The following TG variants were observed in gnomAD, a reference collection of about 807,000 sequenced individuals.
TG encodes the protein thyroglobulin, also known as thyroid hormones.
TG carries 270 observed loss-of-function variants against 324.7 expected under a neutral mutation model. The ratio of observed to expected loss-of-function variants is 0.83; its 90% confidence interval spans 0.75 to 0.92. The LOEUF is 0.92. Ranked by LOEUF, TG falls within the 40% of genes least tolerant of loss-of-function variation. The pLI, the probability that TG is intolerant of heterozygous loss-of-function variation, is 0.00. For missense variants in TG, 3,591 were observed against 3,456.4 expected, an observed-to-expected ratio of 1.04 and a Z score of -0.98; for synonymous variants, 1,401 against 1,327.0, an observed-to-expected ratio of 1.06 and a Z score of -1.21.
At chr8:132,919,336 G>A in intron 20 of TG, 40 bp from the exon 21 acceptor site, 1 of 1,603,358 alleles carries the variant, frequency 6.2e-7, no homozygotes, top group East Asian at 2.2e-5. Context: ...TGTGAAGCAT[G>A]TGTCTTGATT....
At chr8:133,073,788 C>G (rs571076946) in intron 41 of TG, among the ~76,000 whole-genome samples, 3 of 152,152 alleles carry the variant, frequency 2.0e-5, no homozygotes, top group South Asian at 4.1e-4. Flanking sequence ...TCCCCCAACC[C>G]TTTAGAGCCC....
At chr8:132,945,456 G>A (rs996748986) in intron 26 of TG, among the ~76,000 whole-genome samples, 8 of 152,138 alleles carry the variant, frequency 5.3e-5, no homozygotes, top group East Asian at 3.9e-4. Context: ...TAGGAAGGCC[G>A]TGGGTCCATG....
chr8:133,013,020 A>C (rs1834657968), intron 36 of TG, among the ~76,000 whole-genome samples: 1 of 152,256 alleles, frequency 6.6e-6, no homozygotes, highest in Non-Finnish European at 1.5e-5. Flanking sequence ...AGGGCTGAAG[A>C]TAAAGGCCGG....
At chr8:133,074,680 C>G (rs574787013) in intron 41 of TG, among the ~76,000 whole-genome samples, 1 of 152,334 alleles carries the variant, frequency 6.6e-6, no homozygotes, top group African/African-American at 2.4e-5. Context: ...ACCCACTGAG[C>G]CACTGCAGTG....
chr8:132,955,705 G>A (rs905453158), intron 27 of TG, among the ~76,000 whole-genome samples: 1 of 152,208 alleles, frequency 6.6e-6, no homozygotes, highest in Admixed American at 6.5e-5. Flanking sequence ...CCTGGAGGGC[G>A]GGGCTCCTGG....
intron 41 of TG, among the ~76,000 whole-genome samples, chr8:133,031,339 G>C (rs1836623353): frequency 6.6e-6 from 1 of 152,080 alleles, no homozygotes; most frequent in Admixed American, 6.5e-5. Context: ...TTGCGCAGAG[G>C]GACCACATTT....
intron 40 of TG, among the ~76,000 whole-genome samples, chr8:133,029,149 C>T (rs551656840): frequency 4.0e-5 from 6 of 151,798 alleles, no homozygotes; most frequent in South Asian, 4.2e-4. Context: ...CACAAGACAA[C>T]GAGAAGTGTA....
chr8:132,957,872 T>C (rs1272547106), intron 27 of TG, among the ~76,000 whole-genome samples: 3 of 152,152 alleles, frequency 2.0e-5, no homozygotes, highest in Non-Finnish European at 4.4e-5. Context: ...TTTGTGAGAT[T>C]TTGGTGCACC....
chr8:133,041,224 C>A (rs976537394), intron 41 of TG, among the ~76,000 whole-genome samples: 9 of 152,212 alleles, frequency 5.9e-5, no homozygotes, highest in Admixed American at 4.6e-4. Context: ...GCCAATCCAC[C>A]ACCAGGTTTT....
At chr8:133,049,966 T>G (rs1365306054) in intron 41 of TG, 2 of 1,613,400 alleles carry the variant, frequency 1.2e-6, no homozygotes, top group East Asian at 2.2e-5. Context: ...CTAAGAGAAA[T>G]AGCTTTCCAC....
intron 34 of TG, among the ~76,000 whole-genome samples, chr8:132,976,573 G>A (rs1389314955): frequency 7.9e-5 from 12 of 152,216 alleles, no homozygotes; most frequent in African/African-American, 2.7e-4. Context: ...CCCCAAGCAG[G>A]TGGTCTTTCA....
chr8:133,016,231 A>C (rs1835013077), intron 37 of TG, among the ~76,000 whole-genome samples: 2 of 152,318 alleles, frequency 1.3e-5, no homozygotes, highest in East Asian at 3.9e-4. Flanking sequence ...TCAAGGACAG[A>C]CATGATACCC....
At chr8:133,091,694 TTG>T (rs1293806539) in intron 41 of TG, among the ~76,000 whole-genome samples, 5 of 151,674 alleles carry the variant, frequency 3.3e-5, no homozygotes, top group African/African-American at 4.8e-5. Flanking sequence ...CTGTGTGTGT[TTG>T]TGTGTCCTTC....
Position 132,900,356 on chromosome 8 carries a change from C to G in TG, c.3433+17C>G, listed in dbSNP as rs747289832. 5 of 1,600,798 alleles carry G rather than the reference C, an allele frequency of 3.1e-6. No individual in the cohort carries two copies. In the East Asian group the frequency reaches 1.1e-4, roughly 36 times the overall value. ...GTGCCCAGTGTGAGTAGCAGCCCCT[C>G]CTGGCATGGCTTCTCACCTCTTCTG... is the stretch of plus-strand genomic sequence containing the variant. On this transcript the variant is annotated intron_variant, in intron 15 of 47. Coordinates refer to ENST00000220616, the MANE Select transcript of TG (RefSeq NM_003235.5).
chr8:132,895,110 A>G (rs1816908076), intron 11 of TG, among the ~76,000 whole-genome samples: 1 of 152,238 alleles, frequency 6.6e-6, no homozygotes, highest in Non-Finnish European at 1.5e-5. Flanking sequence ...TGGCAGGAGA[A>G]CAGGTCCCTT....
intron 18 of TG, among the ~76,000 whole-genome samples, chr8:132,910,169 A>G (rs1022059806): frequency 6.6e-6 from 1 of 152,116 alleles, no homozygotes; most frequent in Non-Finnish European, 1.5e-5. Flanking sequence ...GGCACACAGT[A>G]AGGTCTGGGT....
chr8:133,099,287 C>T (rs1293730408), intron 43 of TG, among the ~76,000 whole-genome samples: 1 of 152,236 alleles, frequency 6.6e-6, no homozygotes, highest in Admixed American at 6.5e-5. Flanking sequence ...TTTCTGGCTT[C>T]GCTTCTTCAT....
At chr8:133,051,098 C>G (rs1469824999) in intron 41 of TG, among the ~76,000 whole-genome samples, 1 of 152,156 alleles carries the variant, frequency 6.6e-6, no homozygotes, top group Non-Finnish European at 1.5e-5. Flanking sequence ...GGTGTGCGTA[C>G]GAGCCCTGAG....
chr8:132,897,736 A>G lies in TG; in HGVS notation c.3089A>G (p.Gln1030Arg). ...CTGCGGTCGGGCCCCTACATGCCACAGTGTGATGCGTTTGGAAGTTGGGAG... is the reference window on the plus strand; with the variant it reads ...CTGCGGTCGGGCCCCTACATGCCACGGTGTGATGCGTTTGGAAGTTGGGAG... ...ALLRSGPYMP[Q>R]CDAFGSWEPV... The change falls in exon 12 of 48, where the codon CAG becomes CGG. Residue 1030 changes from glutamine to arginine, a missense_variant. By Grantham distance (43) the Gln-to-Arg change is conservative. Coordinates refer to ENST00000220616, the MANE Select transcript of TG (RefSeq NM_003235.5). The G allele has an allele frequency of 1.2e-6, 2 of 1,614,212 alleles. No homozygotes were observed. Among genetic ancestry groups the G allele is most frequent in the African/African-American group, 1.3e-5 (1 of 75,042 alleles).
Sources: gnomAD v4.1 joint callset for allele counts (sites outside exome capture counted in the v4.1 genomes callset) on GRCh38, gnomAD v4.1.1 for gene constraint, MANE v1.5 for transcripts, NCBI Gene and HGNC (gene_info 2026-07-23, HGNC 2026-07-21) for gene names.